Variants in PML observed in about 807,000 individuals in gnomAD.
The protein encoded by PML is protein PML.
In PML, 28 loss-of-function variants were observed where a neutral mutation model predicts 65.2. The ratio of observed to expected loss-of-function variants is 0.43; its 90% CI spans 0.32 to 0.59. PML has a LOEUF of 0.59. Among genes scored for constraint, PML ranks in the 20% least tolerant of loss-of-function variants. PML has a pLI of 0.08. For synonymous variants in PML, 500 were observed against 508.8 expected (o/e 0.98, Z 0.23); for missense variants, 1,021 against 1,203.4 (o/e 0.85, Z 2.24).
rs754769504 is a variant in PML at position 74,047,285 on chromosome 15, C to T, written c.*2277C>T. On this transcript the variant is annotated 3_prime_UTR_variant, in exon 9 of 9. Transcript: ENST00000268058. ...CACAGGTGGAGCTTCAGTTAGTACC[C>T]GAGGGATTCCCCTGGCACAAGCATT... 2.6e-5 allele frequency: 6 copies of T among 230,242 alleles called. No individual in the cohort carries two copies. The highest frequency in any genetic ancestry group is 4.4e-5 in the African/African-American group (2 of 45,114). 14.3% of individuals were successfully genotyped at this position (230,242 alleles called of 1,614,324 possible).
intron 2 of PML, among the ~76,000 whole-genome samples, chr15:74,015,225 G>A (rs2070517625): frequency 6.6e-6 from 1 of 152,140 alleles, no homozygotes; most frequent in Non-Finnish European, 1.5e-5. Flanking sequence ...AATATCCCAG[G>A]CTCTAGAATT....
chr15:74,023,114 C>T lies in PML; in HGVS notation c.889C>T (p.Leu297=), dbSNP rs549683798. Residue 297 remains leucine, a synonymous_variant, in exon 3 of 9, where the codon CTG becomes TTG. Transcript: ENST00000268058. The part of the protein sequence containing the change: ...VAHVRAQERE[L]LEAVDARYQR... ...TCACGTGCGGGCTCAGGAGCGCGAG[C>T]TGCTGGAGGCTGTGGACGCGCGGTA... The T allele has an allele frequency of 3.8e-5, 61 of 1,603,836 alleles. No homozygotes were observed. Among genetic ancestry groups the T allele is most frequent in the Non-Finnish European group, 5.0e-5 (59 of 1,178,998 alleles).
chr15:74,034,903 C>A lies in PML; in HGVS notation c.1710+373C>A, dbSNP rs1482657767. 4 of 1,439,056 alleles carry A rather than the reference C, an allele frequency of 2.8e-6. No homozygotes were observed. In the African/African-American group the frequency reaches 5.7e-5, roughly 21 times the overall value. 89.1% of individuals were successfully genotyped at this position (1,439,056 alleles called of 1,614,324 possible). A position where few individuals can be genotyped will look rare whatever the true frequency, so the allele number is the denominator to read the frequency against. On this transcript the variant is annotated intron_variant, in intron 7 of 8. Transcript: ENST00000268058. The stretch of plus-strand genomic sequence containing the variant: ...CTTGGTTTATTACAGCCAGTGGGGG[C>A]CAGTGAAGGGGTGTCAGGCCACAGG...
chr15:74,046,306 C>T lies in PML; in HGVS notation c.*1298C>T. ...CAGAGGCAGGTCAGGGTTGTCCGCTCTGATTAGCAGAACGACAGCCCCTTC... is the reference window on the plus strand; with the variant it reads ...CAGAGGCAGGTCAGGGTTGTCCGCTTTGATTAGCAGAACGACAGCCCCTTC... On this transcript the variant is annotated 3_prime_UTR_variant, in exon 9 of 9. Transcript: ENST00000268058. The T allele has an allele frequency of 4.3e-6, 1 of 233,324 alleles. No homozygotes were observed. The highest frequency in any genetic ancestry group is 6.0e-5 in the East Asian group (1 of 16,576). 14.5% of individuals were successfully genotyped at this position (233,324 alleles called of 1,614,324 possible).
At chr15:73,997,628 A>G (rs1012147812) in intron 1 of PML, among the ~76,000 whole-genome samples, 3 of 152,082 alleles carry the variant, frequency 2.0e-5, no homozygotes, top group Admixed American at 1.3e-4. Context: ...TCTGGGTCAT[A>G]TTGTTGTTCC....
At chr15:74,034,586 AG>A in intron 7 of PML, 56 bp downstream of exon 7, 1 of 1,614,164 alleles carries the variant, frequency 6.2e-7, no homozygotes, top group Non-Finnish European at 8.5e-7. Flanking sequence ...TTCAGGTCCC[AG>A]GGGGCACAGC....
chr15:74,015,838 CAG>C (rs2070547628), intron 2 of PML, among the ~76,000 whole-genome samples: 1 of 152,166 alleles, frequency 6.6e-6, no homozygotes, highest in African/African-American at 2.4e-5. Context: ...AATTAAGACT[CAG>C]AGAGAAAAGG....
intron 2 of PML, among the ~76,000 whole-genome samples, chr15:74,010,502 G>C (rs966780080): frequency 7.2e-6 from 1 of 139,810 alleles, no homozygotes; most frequent in Non-Finnish European, 1.5e-5. Flanking sequence ...GGGCAACAGA[G>C]CGAGGCCTTG....
chr15:74,013,561 T>C (rs907177931), intron 2 of PML, among the ~76,000 whole-genome samples: 2 of 152,226 alleles, frequency 1.3e-5, no homozygotes, highest in Non-Finnish European at 2.9e-5. Flanking sequence ...GTGGCATATT[T>C]TGCAATTTGG....
chr15:74,005,467 C>T (rs2069997042), intron 2 of PML, among the ~76,000 whole-genome samples: 1 of 151,682 alleles, frequency 6.6e-6, no homozygotes, highest in South Asian at 2.1e-4. Flanking sequence ...TGCTTTTTTC[C>T]CCGAGATTCT....
At chr15:74,029,401 A>T (rs796579202) in intron 4 of PML, among the ~76,000 whole-genome samples, 3 of 152,298 alleles carry the variant, frequency 2.0e-5, no homozygotes, top group African/African-American at 7.2e-5. Context: ...AGGCAAGTGG[A>T]TCACCTGAGG....
chr15:74,011,330 A>G (rs187572918), intron 2 of PML, among the ~76,000 whole-genome samples: 12 of 152,338 alleles, frequency 7.9e-5, no homozygotes, highest in Admixed American at 7.8e-4. Flanking sequence ...CCTGAGTCAT[A>G]TGCTCCCCCA....
chr15:74,034,413 C>T, intron 6 of PML, 65 bp from the exon 7 acceptor site: 9 of 1,612,410 alleles, frequency 5.6e-6, no homozygotes, highest in Non-Finnish European at 7.6e-6. Context: ...CATAGGTGCA[C>T]ACCCACACCC....
At chr15:74,021,004 T>C (rs1366407593) in intron 2 of PML, among the ~76,000 whole-genome samples, 2 of 152,206 alleles carry the variant, frequency 1.3e-5, no homozygotes, top group African/African-American at 4.8e-5. Context: ...AAAGACCCTT[T>C]TGCCATAGTA....
Position 74,043,182 on chromosome 15 carries a change from C to T in PML, c.1861+43C>T, listed in dbSNP as rs2071730660. 1 of 1,614,044 alleles carries T rather than the reference C, an allele frequency of 6.2e-7. No individual in the cohort carries two copies. Among genetic ancestry groups the T allele is most frequent in the Non-Finnish European group, 8.5e-7 (1 of 1,180,030 alleles). On this transcript the variant is annotated intron_variant, in intron 8 of 8. Coordinates refer to ENST00000268058, the MANE Select transcript of PML (RefSeq NM_033238.3). This position sits in a 1 kb window ranked among gnomAD's most constrained non-coding sequence, Gnocchi z 4.3. ...TACCCCCACCCCTTTCTAATTTAGT[C>T]TCTGAGTCCCAAAAAGAAGTGCAGG... is the stretch of plus-strand genomic sequence containing the variant.
chr15:74,020,523 T>C (rs1042983357), intron 2 of PML, among the ~76,000 whole-genome samples: 3 of 152,084 alleles, frequency 2.0e-5, no homozygotes, highest in African/African-American at 7.2e-5. Context: ...TCCCTGGTAA[T>C]ATTTGAAGAA....
At chr15:74,008,987 G>A (rs949755348) in intron 2 of PML, among the ~76,000 whole-genome samples, 1 of 152,142 alleles carries the variant, frequency 6.6e-6, no homozygotes, top group Non-Finnish European at 1.5e-5. Context: ...AAGGGAAAGG[G>A]AGCCTCATGA....
Position 74,035,568 on chromosome 15 carries a change from A to C in PML, c.1710+1038A>C. 1 of 1,611,306 alleles carries C rather than the reference A, an allele frequency of 6.2e-7. No homozygotes were observed. The highest frequency in any genetic ancestry group is 8.5e-7 in the Non-Finnish European group (1 of 1,179,672). On this transcript the variant is annotated intron_variant, in intron 7 of 8. Coordinates refer to ENST00000268058, the MANE Select transcript of PML (RefSeq NM_033238.3). This position sits in a 1 kb window ranked among gnomAD's most constrained non-coding sequence, Gnocchi z 4.1. ...CACTCCTGCCATCACAGGGCCCCTC[A>C]ACCATCCTGCCAATGCCCAGGAACA...
intron 7 of PML, chr15:74,034,900 G>C: frequency 1.4e-6 from 2 of 1,439,228 alleles, no homozygotes; most frequent in Non-Finnish European, 1.8e-6. Context: ...CAGCCAGTGG[G>C]GGCCAGTGAA....
Sources: gnomAD v4.1 joint callset for allele counts (sites outside exome capture counted in the v4.1 genomes callset) on GRCh38, gnomAD v4.1.1 for gene constraint, Gnocchi (gnomAD v3.1) non-coding constraint, MANE v1.5 for transcripts, NCBI Gene and HGNC (gene_info 2026-07-23, HGNC 2026-07-21) for gene names.